TSPAN16: variants seen among roughly 807,000 people sequenced by gnomAD.
The protein encoded by TSPAN16 is tetraspanin-16.
In TSPAN16, 23 loss-of-function variants were observed where a neutral mutation model predicts 25.2. The observed-to-expected ratio is 0.91, with a 90% CI of 0.66 to 1.29. TSPAN16 has a LOEUF of 1.29. Ranked by LOEUF, TSPAN16 falls within the 50% of genes most tolerant of loss-of-function variation. The pLI is 0.00. For missense variants in TSPAN16, 272 were observed against 299.9 expected, an observed-to-expected ratio of 0.91 and a Z score of 0.69; for synonymous variants, 123 against 124.4, an observed-to-expected ratio of 0.99 and a Z score of 0.08.
intron 1 of TSPAN16, among the ~76,000 whole-genome samples, chr19:11,297,907 G>T (rs1185078806): frequency 6.6e-6 from 1 of 151,988 alleles, no homozygotes; most frequent in African/African-American, 2.4e-5. Context: ...TCCTCCCACT[G>T]CAGACACCTG....
chr19:11,313,120 C>A (rs1484894216), intron 6 of TSPAN16, among the ~76,000 whole-genome samples: 1 of 152,136 alleles, frequency 6.6e-6, no homozygotes, highest in African/African-American at 2.4e-5. Flanking sequence ...AGAATTAACA[C>A]CATTGTTTCA....
rs763399650 is a variant in TSPAN16, at chr19:11,306,666, G to C, written c.513G>C (p.Thr171=). 6.2e-7 allele frequency: 1 copy of C among 1,613,792 alleles called. No individual in the cohort carries two copies. Among genetic ancestry groups the C allele is most frequent in the African/African-American group, 1.3e-5 (1 of 74,856 alleles). The change falls in exon 5 of 7, where the codon ACG becomes ACC. Residue 171 remains threonine, a synonymous_variant. Coordinates refer to ENST00000590327, the MANE Select transcript of TSPAN16 (RefSeq NM_001282509.2). ...DFSGSSFEMT[T]GHTYPRSCCK... Reference sequence around the variant, plus strand: ...CTGGCTCTTCCTTCGAAATGACAACGGGCCACACCTACCCCAGGAGTTGCT... The same window carrying C: ...CTGGCTCTTCCTTCGAAATGACAACCGGCCACACCTACCCCAGGAGTTGCT...
intron 5 of TSPAN16, among the ~76,000 whole-genome samples, chr19:11,308,392 A>G (rs1235979342): frequency 1.3e-5 from 2 of 151,922 alleles, no homozygotes; most frequent in Non-Finnish European, 2.9e-5. Context: ...TCCGCCTCCC[A>G]GGTTCAGGTG....
At chr19:11,318,160 G>A (rs1307988719), downstream of TSPAN16, among the ~76,000 whole-genome samples, 1 of 151,934 alleles carries the variant, frequency 6.6e-6, no homozygotes, top group Non-Finnish European at 1.5e-5. Context: ...CCGAGTAGCT[G>A]GGACTACAGG....
Position 11,296,393 on chromosome 19 carries a change from G to C in TSPAN16, c.69+27G>C, listed in dbSNP as rs2080478608. On this transcript the variant is annotated intron_variant, in intron 1 of 6. Coordinates refer to ENST00000590327, the MANE Select transcript of TSPAN16 (RefSeq NM_001282509.2). The stretch of plus-strand genomic sequence containing the variant: ...TAAGTATGTCACAATCCAGGCCCCT[G>C]GTTTGTTGCAGCCCTTCCTCCACAG... 4.3e-6 allele frequency: 7 copies of C among 1,611,418 alleles called. No individual in the cohort carries two copies. The African/African-American group carries it at 8.0e-5, about 18-fold the overall frequency.
At chr19:11,313,279 T>A (rs2080712158) in intron 6 of TSPAN16, among the ~76,000 whole-genome samples, 1 of 152,124 alleles carries the variant, frequency 6.6e-6, no homozygotes, top group East Asian at 1.9e-4. Context: ...TTTGGGAGGC[T>A]GAGGCAGGCG....
At chr19:11,296,474 T>C in intron 1 of TSPAN16, 108 bp downstream of exon 1, 1 of 1,176,850 alleles carries the variant, frequency 8.5e-7, no homozygotes, top group Admixed American at 1.9e-5. Context: ...AGATCTGTGG[T>C]TCCCTGGAGA....
At chr19:11,317,700 G>T (rs575615057), downstream of TSPAN16, among the ~76,000 whole-genome samples, 562 of 151,422 alleles carry the variant, frequency 3.7e-3, 2 homozygotes, top group Middle Eastern at 0.014. Context: ...TCATCATGTT[G>T]GCCAGGATTG....
intron 6 of TSPAN16, among the ~76,000 whole-genome samples, chr19:11,314,546 A>G (rs2080725410): frequency 6.6e-6 from 1 of 152,072 alleles, no homozygotes; most frequent in African/African-American, 2.4e-5. Context: ...ACAAATTTAT[A>G]ATATTGAATA....
intron 1 of TSPAN16, among the ~76,000 whole-genome samples, 180 bp from the exon 2 acceptor site, chr19:11,297,962 T>TG (rs1555702691): frequency 5.9e-5 from 9 of 151,578 alleles, no homozygotes; most frequent in African/African-American, 1.7e-4. Context: ...CTATTTTTTT[T>TG]TTGTTGGGGA....
chr19:11,326,038 T>A (rs1258137549), intron 6 of TSPAN16, among the ~76,000 whole-genome samples: 3 of 152,048 alleles, frequency 2.0e-5, no homozygotes, highest in African/African-American at 7.2e-5. Context: ...CTGACCAACA[T>A]GGTGAAACCC....
At chr19:11,297,925 G>A (rs2080496676) in intron 1 of TSPAN16, among the ~76,000 whole-genome samples, 1 of 151,718 alleles carries the variant, frequency 6.6e-6, no homozygotes. Context: ...CTGAGTAGCT[G>A]AGACTACAGG....
At chr19:11,308,158 G>C (rs1177649000) in intron 5 of TSPAN16, 1 of 152,208 alleles carries the variant, frequency 6.6e-6, no homozygotes, top group Non-Finnish European at 1.5e-5. Flanking sequence ...CCTGTGTCCA[G>C]GGAGTAATGA....
chr19:11,316,074 T>C (rs1161041542), downstream of TSPAN16: 1 of 620,894 alleles, frequency 1.6e-6, no homozygotes, highest in East Asian at 4.0e-5. Flanking sequence ...TCCTGTTTTG[T>C]AAATTATTCT....
At chr19:11,299,985 G>GAA (rs60293071) in intron 3 of TSPAN16, among the ~76,000 whole-genome samples, 2 of 107,758 alleles carry the variant, frequency 1.9e-5, no homozygotes, top group South Asian at 6.3e-4. Flanking sequence ...CTCAAAAAAA[G>GAA]AAAAAAAAAA....
chr19:11,302,658 TAC>T (rs1568288244), intron 4 of TSPAN16, among the ~76,000 whole-genome samples: 5 of 103,180 alleles, frequency 4.8e-5, no homozygotes, highest in African/African-American at 3.0e-4. Flanking sequence ...TATATACACA[TAC>T]ATATATATAT....
intron 2 of TSPAN16, among the ~76,000 whole-genome samples, 187 bp from the exon 3 acceptor site, chr19:11,298,685 G>T (rs2147933856): frequency 6.6e-6 from 1 of 152,226 alleles, no homozygotes; most frequent in African/African-American, 2.4e-5. Flanking sequence ...ACCCGCCTCG[G>T]TCTCCTAAAG....
At chr19:11,317,578 T>C (rs1191030990), downstream of TSPAN16, among the ~76,000 whole-genome samples, 1 of 151,588 alleles carries the variant, frequency 6.6e-6, no homozygotes, top group Non-Finnish European at 1.5e-5. Flanking sequence ...CACTGCAACC[T>C]CAGCCTTCCG....
In TSPAN16 at chr19:11,306,552, T is replaced by C. The variant is rs572955168; in HGVS notation, c.451-52T>C. 1.3e-5 allele frequency: 21 copies of C among 1,607,608 alleles called. No homozygotes were observed. The South Asian group carries it at 1.9e-4, about 14-fold the overall frequency. On this transcript the variant is annotated intron_variant, in intron 4 of 6. Coordinates refer to ENST00000590327, the MANE Select transcript of TSPAN16 (RefSeq NM_001282509.2). ...TAGCCATGGTAACCGTGATTTCTGA[T>C]GTTTTTATTATTTGAAAGGGACTCT...
Sources: allele counts gnomAD v4.1 joint callset (sites outside exome capture counted in the v4.1 genomes callset), GRCh38; gene constraint gnomAD v4.1.1; transcripts MANE v1.5; gene names NCBI Gene and HGNC (gene_info 2026-07-23, HGNC 2026-07-21).